PPP1R9A: variants seen among roughly 807,000 people sequenced by gnomAD.
The protein encoded by PPP1R9A is neurabin-1.
In PPP1R9A, 59 loss-of-function variants were observed where a neutral mutation model predicts 141.9. The ratio of observed to expected loss-of-function variants is 0.42; its 90% CI spans 0.34 to 0.52. The LOEUF is 0.52. PPP1R9A is among the 20% of genes least tolerant of loss of function. The probability of loss-of-function intolerance (pLI) is 0.10; values close to 1 mark genes in which losing one functional copy is unlikely to be tolerated. For missense variants in PPP1R9A, 1,444 were observed against 1,611.9 expected (o/e 0.90, Z 1.78); for synonymous variants, 500 against 569.7 (o/e 0.88, Z 1.74).
At chr7:94,929,539 T>G (rs1009636271) in intron 2 of PPP1R9A, among the ~76,000 whole-genome samples, 1 of 152,190 alleles carries the variant, frequency 6.6e-6, no homozygotes, top group African/African-American at 2.4e-5. Context: ...AGGCAAAATA[T>G]TGTTGGTACA....
rs1016444842 is a variant in PPP1R9A at position 95,294,328 on chromosome 7, G to C, written c.*4025G>C. 7.0e-6 allele frequency: 1 copy of C among 142,500 alleles called. No homozygotes were observed. Among genetic ancestry groups the C allele is most frequent in the Admixed American group, 7.3e-5 (1 of 13,630 alleles). 8.8% of individuals were successfully genotyped at this position (142,500 alleles called of 1,614,324 possible). A position where few individuals can be genotyped will look rare whatever the true frequency, so the allele number is the denominator to read the frequency against. ...CTGTCACCCAGACTGGACTGCAGTG[G>C]TGCCATCATGTCTTACTGCAGCCTC... On this transcript the variant is annotated 3_prime_UTR_variant, in exon 20 of 20. Coordinates refer to ENST00000433360, the MANE Select transcript of PPP1R9A (RefSeq NM_001166160.2).
intron 2 of PPP1R9A, among the ~76,000 whole-genome samples, chr7:94,992,280 A>G (rs1461174981): frequency 1.3e-5 from 2 of 152,200 alleles, no homozygotes; most frequent in African/African-American, 4.8e-5. Flanking sequence ...TTTGTTCAGC[A>G]TAATTGTCCA....
intron 2 of PPP1R9A, among the ~76,000 whole-genome samples, chr7:95,008,139 C>A (rs947445817): frequency 6.6e-6 from 1 of 152,030 alleles, no homozygotes; most frequent in Non-Finnish European, 1.5e-5. Flanking sequence ...GAAATAATGT[C>A]TATTTTATGG....
intron 3 of PPP1R9A, among the ~76,000 whole-genome samples, chr7:95,117,705 G>A (rs1365881246): frequency 6.6e-6 from 1 of 152,124 alleles, no homozygotes; most frequent in East Asian, 1.9e-4. Flanking sequence ...TTTGAGAGGA[G>A]CCTTTTGTAC....
intron 2 of PPP1R9A, among the ~76,000 whole-genome samples, chr7:94,934,491 G>T (rs771480372): frequency 3.3e-5 from 5 of 151,618 alleles, no homozygotes; most frequent in African/African-American, 7.3e-5. Context: ...CATGTTTATA[G>T]AACATTTTTT....
At chr7:95,135,943 A>G (rs1311752523) in intron 4 of PPP1R9A, among the ~76,000 whole-genome samples, 1 of 149,822 alleles carries the variant, frequency 6.7e-6, no homozygotes, top group Non-Finnish European at 1.5e-5. Flanking sequence ...GGCTTTCAAA[A>G]TACAAAGTAT....
At chr7:94,980,492 C>CTGT (rs1347603815) in intron 2 of PPP1R9A, among the ~76,000 whole-genome samples, 1 of 152,154 alleles carries the variant, frequency 6.6e-6, no homozygotes, top group Non-Finnish European at 1.5e-5. Context: ...GGGTCTCACT[C>CTGT]TGTCGCTCAG....
intron 5 of PPP1R9A, among the ~76,000 whole-genome samples, chr7:95,166,994 C>T (rs768155817): frequency 2.6e-5 from 4 of 152,046 alleles, no homozygotes; most frequent in African/African-American, 9.7e-5. Context: ...CAACAAAACA[C>T]GCATAGAAGG....
At chr7:95,077,594 G>GC (rs1041129568) in intron 2 of PPP1R9A, among the ~76,000 whole-genome samples, 4 of 152,010 alleles carry the variant, frequency 2.6e-5, no homozygotes, top group South Asian at 2.1e-4. Flanking sequence ...ATTGTTAGCT[G>GC]CCCCCCCAAT....
intron 2 of PPP1R9A, among the ~76,000 whole-genome samples, chr7:95,001,166 T>G (rs139271057): frequency 1.3e-5 from 2 of 152,282 alleles, no homozygotes; most frequent in East Asian, 3.9e-4. Context: ...GGACCTGTAT[T>G]GTTTGGATTT....
intron 2 of PPP1R9A, among the ~76,000 whole-genome samples, chr7:95,076,374 T>C (rs1368322982): frequency 1.3e-5 from 2 of 152,218 alleles, no homozygotes; most frequent in Non-Finnish European, 2.9e-5. Flanking sequence ...CTTCATAAGG[T>C]TAGCATAATT....
At chr7:95,287,229 A>G (rs1805521936) in intron 18 of PPP1R9A, 1 of 1,412,692 alleles carries the variant, frequency 7.1e-7, no homozygotes, top group Non-Finnish European at 9.9e-7. Context: ...AGACAATACA[A>G]GAATATCTTC....
At chr7:95,014,215 A>G (rs1001326263) in intron 2 of PPP1R9A, among the ~76,000 whole-genome samples, 4 of 152,102 alleles carry the variant, frequency 2.6e-5, no homozygotes, top group Non-Finnish European at 4.4e-5. Context: ...TGGGAAAACA[A>G]AAGAAGTCTG....
At chr7:95,135,854 CTTTT>C (rs58872136) in intron 4 of PPP1R9A, among the ~76,000 whole-genome samples, 86 of 73,060 alleles carry the variant, frequency 1.2e-3, no homozygotes, top group Admixed American at 1.8e-3. Flanking sequence ...TTCAGCTTTA[CTTTT>C]TTTTTTTTTT....
Position 94,911,516 on chromosome 7 carries a change from T to G in PPP1R9A, c.1395+8T>G. The G allele has an allele frequency of 1.3e-6, 2 of 1,582,976 alleles. No homozygotes were observed. Among genetic ancestry groups the G allele is most frequent in the Non-Finnish European group, 1.7e-6 (2 of 1,157,296 alleles). On this transcript the variant is annotated splice_region_variant and intron_variant, in intron 2 of 19. Coordinates refer to ENST00000433360, the MANE Select transcript of PPP1R9A (RefSeq NM_001166160.2). ...AGTAGTGCTCCTATTAAGGTAAGTG[T>G]GTTTTCTCCATTTTGTTTTCTAAAT...
At chr7:95,194,132 TC>T in intron 5 of PPP1R9A, among the ~76,000 whole-genome samples, 1 of 152,148 alleles carries the variant, frequency 6.6e-6, no homozygotes, top group Non-Finnish European at 1.5e-5. Flanking sequence ...AGATAAAAGG[TC>T]AATCTAGGCT....
At chr7:95,154,192 C>G (rs182279242) in intron 4 of PPP1R9A, among the ~76,000 whole-genome samples, 188 of 151,630 alleles carry the variant, frequency 1.2e-3, no homozygotes, top group Non-Finnish European at 2.0e-3. Flanking sequence ...TGCTATCTAC[C>G]ATAGGTTTTG....
rs1806665665 is a variant in PPP1R9A at position 95,293,629 on chromosome 7, C to T, written c.*3326C>T. 6.6e-6 allele frequency: 1 copy of T among 152,162 alleles called. No homozygotes were observed. Among genetic ancestry groups the T allele is most frequent in the African/African-American group, 2.4e-5 (1 of 41,440 alleles). 9.4% of individuals were successfully genotyped at this position (152,162 alleles called of 1,614,324 possible). A position where few individuals can be genotyped will look rare whatever the true frequency, so the allele number is the denominator to read the frequency against. ...AATGAGGAACCAGATTTACCTTTGC[C>T]ACTATCTGTGACCCTGTAATCATCA... On this transcript the variant is annotated 3_prime_UTR_variant, in exon 20 of 20. Transcript: ENST00000433360.
rs1019824888 is a variant in PPP1R9A at position 94,911,031 on chromosome 7, C to T, written c.918C>T (p.Ser306=). ...EIQQSKEPED[S]TSNQQTPDSI... is the part of the protein sequence containing the mutation. ...AGCAGAGCAAGGAACCCGAGGACTCCACATCTAATCAACAGACTCCCGACA... is the reference window on the plus strand; with the variant it reads ...AGCAGAGCAAGGAACCCGAGGACTCTACATCTAATCAACAGACTCCCGACA... The change falls in exon 2 of 20, where the codon TCC becomes TCT. Residue 306 remains serine, a synonymous_variant. Coordinates refer to ENST00000433360, the MANE Select transcript of PPP1R9A (RefSeq NM_001166160.2). 5.6e-6 allele frequency: 9 copies of T among 1,614,016 alleles called. No individual in the cohort carries two copies. The East Asian group carries it at 6.7e-5, about 12-fold the overall frequency.
Sources: allele counts gnomAD v4.1 joint callset (sites outside exome capture counted in the v4.1 genomes callset), GRCh38; gene constraint gnomAD v4.1.1; transcripts MANE v1.5; gene names NCBI Gene and HGNC (gene_info 2026-07-23, HGNC 2026-07-21).